The following EPHB2 variants were observed in gnomAD, a reference collection of about 807,000 sequenced individuals.
EPHB2 encodes the protein EPH receptor B2.
A neutral mutation model predicts 96.4 loss-of-function variants in EPHB2; 18 were observed. The ratio of observed to expected loss-of-function variants is 0.19; its 90% CI spans 0.13 to 0.28. The LOEUF (loss-of-function observed/expected upper bound fraction) is 0.28. Among genes scored for constraint, EPHB2 ranks in the 10% least tolerant of loss-of-function variants. EPHB2 has a pLI of 1.00. For synonymous variants in EPHB2, 506 were observed against 534.1 expected, an observed-to-expected ratio of 0.95 and a Z score of 0.72; for missense variants, 989 against 1,355.4, an observed-to-expected ratio of 0.73 and a Z score of 4.25.
In EPHB2 at chr1:22,910,368, C is replaced by G; in HGVS notation, c.2503-14C>G. ...CCATCCACCCAACCCCACTGCACTC[C>G]TGCATTGTCCCAGGTAATCAATGCC... On this transcript the variant is annotated splice_polypyrimidine_tract_variant and intron_variant, in intron 13 of 15. Transcript: ENST00000374630. 6.2e-7 allele frequency: 1 copy of G among 1,614,204 alleles called. No individual in the cohort carries two copies. Among genetic ancestry groups the G allele is most frequent in the Non-Finnish European group, 8.5e-7 (1 of 1,180,020 alleles).
intron 1 of EPHB2, among the ~76,000 whole-genome samples, chr1:22,780,256 G>A (rs1644510100): frequency 6.6e-6 from 1 of 152,136 alleles, no homozygotes; most frequent in African/African-American, 2.4e-5. Flanking sequence ...GGTCTCTAGG[G>A]CCATGTGGCT....
intron 1 of EPHB2, among the ~76,000 whole-genome samples, chr1:22,758,262 G>A (rs1269398807): frequency 1.3e-5 from 2 of 151,798 alleles, no homozygotes; most frequent in Non-Finnish European, 2.9e-5. Flanking sequence ...CTGGGGGATG[G>A]CCCTGAGAAT....
chr1:22,789,825 G>C (rs1557675914), intron 3 of EPHB2, among the ~76,000 whole-genome samples: 1 of 152,324 alleles, frequency 6.6e-6, no homozygotes. Flanking sequence ...AAGTGGCCGT[G>C]CTTCAGGAAG....
At chr1:22,842,429 C>T (rs1200731350) in intron 3 of EPHB2, among the ~76,000 whole-genome samples, 1 of 152,114 alleles carries the variant, frequency 6.6e-6, no homozygotes, top group Non-Finnish European at 1.5e-5. Context: ...CGCCCCTTTC[C>T]ACCCCTCACT....
intron 1 of EPHB2, among the ~76,000 whole-genome samples, chr1:22,730,293 C>T (rs554158204): frequency 6.6e-5 from 10 of 152,326 alleles, no homozygotes; most frequent in Admixed American, 2.0e-4. Context: ...TCAGATCCAA[C>T]GGATATCAAG....
chr1:22,760,076 C>T (rs1355058988), intron 1 of EPHB2, among the ~76,000 whole-genome samples: 1 of 152,152 alleles, frequency 6.6e-6, no homozygotes, highest in East Asian at 1.9e-4. Flanking sequence ...AGATGGATAA[C>T]ACAAGTCACC....
intron 3 of EPHB2, among the ~76,000 whole-genome samples, chr1:22,850,593 G>A (rs1645611953): frequency 6.6e-6 from 1 of 152,198 alleles, no homozygotes; most frequent in Admixed American, 6.5e-5. Context: ...TTTAACACTC[G>A]CTATTCCTGC....
rs747689340 is a variant in EPHB2 at position 22,863,018 on chromosome 1, T to C, written c.812-19T>C. 2.5e-6 allele frequency: 4 copies of C among 1,614,184 alleles called. No individual in the cohort carries two copies. In the Admixed American group the frequency reaches 5.0e-5, roughly 20 times the overall value. On this transcript the variant is annotated intron_variant, in intron 3 of 15. Coordinates refer to ENST00000374630, the MANE Select transcript of EPHB2 (RefSeq NM_017449.5). ...TCTTCATCCAGTTTCCTGGTGACTC[T>C]CCTTGTCTTCTCTCTCAGGTTGTCC... is the stretch of plus-strand genomic sequence containing the variant.
At chr1:22,838,977 T>C (rs1645425833) in intron 3 of EPHB2, among the ~76,000 whole-genome samples, 1 of 150,486 alleles carries the variant, frequency 6.6e-6, no homozygotes, top group Non-Finnish European at 1.5e-5. Flanking sequence ...AAAAGAAAAA[T>C]CATACTAGAG....
chr1:22,892,835 C>A, intron 6 of EPHB2, 49 bp from the exon 7 acceptor site: 1 of 1,613,314 alleles, frequency 6.2e-7, no homozygotes, highest in Non-Finnish European at 8.5e-7. Context: ...GGGCTCTGGA[C>A]CCACTATGAG....
intron 1 of EPHB2, among the ~76,000 whole-genome samples, chr1:22,763,373 T>G (rs1267190199): frequency 6.6e-6 from 1 of 151,970 alleles, no homozygotes; most frequent in Non-Finnish European, 1.5e-5. Context: ...CCACCTGCAA[T>G]CCCATCCCTC....
At chr1:22,874,951 C>T (rs908071895) in intron 5 of EPHB2, among the ~76,000 whole-genome samples, 2 of 152,144 alleles carry the variant, frequency 1.3e-5, no homozygotes, top group Admixed American at 1.3e-4. Flanking sequence ...CTGGATGTCT[C>T]CCCTGCGGGA....
chr1:22,793,700 G>A (rs917666722), intron 3 of EPHB2, among the ~76,000 whole-genome samples: 13 of 152,140 alleles, frequency 8.5e-5, no homozygotes, highest in African/African-American at 3.1e-4. Context: ...GAGACAGGGA[G>A]GTGAAAGGTG....
At chr1:22,886,275 G>C (rs1429765143) in intron 6 of EPHB2, among the ~76,000 whole-genome samples, 1 of 152,244 alleles carries the variant, frequency 6.6e-6, no homozygotes, top group Admixed American at 6.5e-5. Context: ...GGGCAGGGAT[G>C]TGTGGGCTGC....
intron 1 of EPHB2, among the ~76,000 whole-genome samples, chr1:22,711,587 C>G (rs1381013132): frequency 6.6e-6 from 1 of 151,832 alleles, no homozygotes; most frequent in Non-Finnish European, 1.5e-5. Flanking sequence ...AGGGAGCGCG[C>G]CAGCCCCCGC....
intron 1 of EPHB2, among the ~76,000 whole-genome samples, chr1:22,775,728 G>GA (rs533645477): frequency 8.2e-4 from 125 of 152,392 alleles, no homozygotes; most frequent in Non-Finnish European, 1.3e-3. Context: ...CCAGGAAGGA[G>GA]AGGGGGTGTG....
chr1:22,732,768 A>G (rs369077984), intron 1 of EPHB2, among the ~76,000 whole-genome samples: 1 of 152,008 alleles, frequency 6.6e-6, no homozygotes, highest in Non-Finnish European at 1.5e-5. Flanking sequence ...TGATATCTCC[A>G]TTGCTCCTCC....
At chr1:22,817,345 T>C (rs1394256964) in intron 3 of EPHB2, among the ~76,000 whole-genome samples, 2 of 152,226 alleles carry the variant, frequency 1.3e-5, no homozygotes, top group African/African-American at 4.8e-5. Flanking sequence ...TTATTCCCAT[T>C]TTACAGATGA....
intron 1 of EPHB2, 87 bp from the exon 2 acceptor site, chr1:22,781,334 A>AG (rs2148419294): frequency 7.9e-6 from 10 of 1,264,650 alleles, no homozygotes; most frequent in East Asian, 7.6e-5. Flanking sequence ...AAAAAAAAAA[A>AG]AAGAAGAAGA....
Sources: allele counts gnomAD v4.1 joint callset (sites outside exome capture counted in the v4.1 genomes callset), GRCh38; gene constraint gnomAD v4.1.1; transcripts MANE v1.5; gene names NCBI Gene and HGNC (gene_info 2026-07-23, HGNC 2026-07-21).